Variants in PCID2 observed in about 807,000 individuals in gnomAD.
PCID2 encodes PCI domain-containing protein 2.
A neutral mutation model predicts 61.3 loss-of-function variants in PCID2; 41 were observed. That is an observed-to-expected ratio of 0.67 (90% CI 0.52 to 0.87). PCID2 has a LOEUF of 0.87. Ranked by LOEUF, PCID2 falls within the 40% of genes least tolerant of loss-of-function variation. PCID2 has a pLI of 0.00. For missense variants in PCID2, 392 were observed against 493.4 expected (o/e 0.79, Z 1.95); for synonymous variants, 187 against 177.8 (o/e 1.05, Z -0.41).
chr13:113,205,862 G>A (rs761425008), intron 1 of PCID2, among the ~76,000 whole-genome samples: 26 of 152,322 alleles, frequency 1.7e-4, no homozygotes, highest in Non-Finnish European at 3.1e-4. Context: ...CATTTGGGGT[G>A]ACAAAAAATT....
At position 113,205,803 on chromosome 13, in the gene PCID2, G is replaced by A. The variant is rs140323027; in HGVS notation, c.36+2796C>T. 4.4e-3 allele frequency among the ~76,000 whole-genome samples: 671 copies of A among 152,316 alleles called. 2 individuals are homozygous for A. Among genetic ancestry groups the A allele is most frequent in the African/African-American group, 5.0e-3 (209 of 41,566 alleles). On this transcript the variant is annotated intron_variant, in intron 1 of 13. Coordinates refer to ENST00000337344, the MANE Select transcript of PCID2 (RefSeq NM_001127202.4). ...GAGAGCACATTAGCGGTTGACAAGC[G>A]CTCGGGAGGGAGGACCAGGGAGTGA... is the stretch of plus-strand genomic sequence containing the variant.
At chr13:113,170,979 G>T in the PCID2 span, among the ~76,000 whole-genome samples, 1 of 151,760 alleles carries the variant, frequency 6.6e-6, no homozygotes, top group South Asian at 2.1e-4. Flanking sequence ...CTGGAGTGCA[G>T]TGGCATGATC....
intron 6 of PCID2, among the ~76,000 whole-genome samples, chr13:113,194,129 T>C (rs1055528338): frequency 2.6e-5 from 4 of 152,166 alleles, no homozygotes; most frequent in African/African-American, 7.2e-5. Flanking sequence ...GGAGGGGGAC[T>C]AGCTCCTCAT....
chr13:113,188,628 C>A (rs1368880269), intron 7 of PCID2: 1 of 152,248 alleles, frequency 6.6e-6, no homozygotes, highest in South Asian at 2.1e-4. Flanking sequence ...TGCTTCAGCT[C>A]CCAGAAGTTC....
In PCID2 at chr13:113,178,963, C is replaced by T; in HGVS notation, c.1110+3G>A. 6 of 1,611,262 alleles carry T rather than the reference C, an allele frequency of 3.7e-6. No individual in the cohort carries two copies. Among genetic ancestry groups the T allele is most frequent in the Non-Finnish European group, 5.1e-6 (6 of 1,178,984 alleles). On this transcript the variant is annotated splice_donor_region_variant and intron_variant, in intron 13 of 13. Coordinates refer to ENST00000337344, the MANE Select transcript of PCID2 (RefSeq NM_001127202.4). ...GCTTAAATTAAAACCAGGACTCACA[C>T]ACCATGTATATCAAGTTAGCCAGAA...
At chr13:113,172,068 C>G in the PCID2 span, 1 of 1,613,014 alleles carries the variant, frequency 6.2e-7, no homozygotes, top group African/African-American at 1.3e-5. Flanking sequence ...ACCAAGGTCT[C>G]CAGGTACTCA....
At chr13:113,173,102 C>T (rs111660583), downstream of PCID2, among the ~76,000 whole-genome samples, 2 of 152,184 alleles carry the variant, frequency 1.3e-5, no homozygotes, top group African/African-American at 2.4e-5. Context: ...CCTCAGCAGA[C>T]ACCAAATCTG....
At position 113,208,650 on chromosome 13, in the gene PCID2, C is replaced by G. The variant is rs769248937; in HGVS notation, c.-16G>C. The G allele has an allele frequency of 2.5e-6, 4 of 1,604,514 alleles. No homozygotes were observed. Among genetic ancestry groups the G allele is most frequent in the East Asian group, 4.5e-5 (2 of 44,196 alleles). ...TGTGCGCCATGGGAGCGCCGCCGAA[C>G]GGAGAGCGCCACCCCCTACGCCTCA... On this transcript the variant is annotated 5_prime_UTR_variant, in exon 1 of 14. Coordinates refer to ENST00000337344, the MANE Select transcript of PCID2 (RefSeq NM_001127202.4).
downstream of PCID2, among the ~76,000 whole-genome samples, chr13:113,173,402 G>A (rs1211515898): frequency 6.6e-6 from 1 of 152,228 alleles, no homozygotes; most frequent in African/African-American, 2.4e-5. Context: ...AGTTAAGGAA[G>A]GGGCACAGCT....
At chr13:113,208,127 C>A in intron 1 of PCID2, 2 of 1,607,652 alleles carry the variant, frequency 1.2e-6, no homozygotes. Flanking sequence ...ACGAGGGGCA[C>A]GAGCCCGGCC....
chr13:113,171,419 T>C, the PCID2 span, among the ~76,000 whole-genome samples: 1 of 152,146 alleles, frequency 6.6e-6, no homozygotes, highest in African/African-American at 2.4e-5. The surrounding 1 kb of genome is among the most constrained non-coding windows in gnomAD (Gnocchi z 5.1). Flanking sequence ...GTGCAATCTG[T>C]GAGTGGCCTT....
At chr13:113,185,706 A>T (rs1258513311) in intron 7 of PCID2, 146 bp from the exon 8 acceptor site, 1 of 519,224 alleles carries the variant, frequency 1.9e-6, no homozygotes, top group African/African-American at 1.9e-5. Context: ...ATATCAAGTC[A>T]TATTCATCAA....
At chr13:113,194,422 C>A (rs578255700) in intron 6 of PCID2, among the ~76,000 whole-genome samples, 2 of 152,150 alleles carry the variant, frequency 1.3e-5, no homozygotes, top group African/African-American at 4.8e-5. Flanking sequence ...TGACTCTGAG[C>A]CCCATCCCCC....
At position 113,185,341 on chromosome 13, in the gene PCID2, A is replaced by G; in HGVS notation, c.543+144T>C. 4.7e-6 allele frequency: 3 copies of G among 642,888 alleles called. No individual in the cohort carries two copies. The East Asian group carries it at 8.0e-5, about 17-fold the overall frequency. 39.8% of individuals were successfully genotyped at this position (642,888 alleles called of 1,614,324 possible). A position where few individuals can be genotyped will look rare whatever the true frequency, so the allele number is the denominator to read the frequency against. ...GCCTTGCACCTAGTAGGCATTCAAC[A>G]AATGTTTGCTATTAGGACTAGGAAT... On this transcript the variant is annotated intron_variant, in intron 8 of 13. Transcript: ENST00000337344.
downstream of PCID2, among the ~76,000 whole-genome samples, chr13:113,176,725 C>T (rs1164287207): frequency 6.6e-6 from 1 of 151,928 alleles, no homozygotes; most frequent in Non-Finnish European, 1.5e-5. Flanking sequence ...ACTGCACTGC[C>T]GCACTCCAGC....
chr13:113,184,335 T>C lies in PCID2; in HGVS notation c.685+11A>G. On this transcript the variant is annotated intron_variant, in intron 9 of 13. Transcript: ENST00000337344. ...ATTTAAAATACTGGGAAAAAAAGATTAGCAACATACCTTGCTTAAAATCGC... is the reference window on the plus strand; with the variant it reads ...ATTTAAAATACTGGGAAAAAAAGATCAGCAACATACCTTGCTTAAAATCGC... The C allele has an allele frequency of 6.2e-7, 1 of 1,607,174 alleles. No individual in the cohort carries two copies. Among genetic ancestry groups the C allele is most frequent in the South Asian group, 1.1e-5 (1 of 90,556 alleles).
chr13:113,176,508 C>CTCAGCACTTTGGGAGGCCGAGG (rs2037189065), downstream of PCID2, among the ~76,000 whole-genome samples: 1 of 10,942 alleles, frequency 9.1e-5, no homozygotes, highest in Admixed American at 1.0e-3. Flanking sequence ...ATGCCTGTCA[C>CTCAGCACTTTGGGAGGCCGAGG]CCCAGCACTT....
chr13:113,200,122 TG>T (rs2039307502), intron 2 of PCID2, among the ~76,000 whole-genome samples: 1 of 152,174 alleles, frequency 6.6e-6, no homozygotes, highest in Non-Finnish European at 1.5e-5. Flanking sequence ...TATGGGGCTT[TG>T]GGGACGCACA....
At position 113,179,158 on chromosome 13, in the gene PCID2, C is replaced by A; in HGVS notation, c.987-69G>T. 2.1e-6 allele frequency: 3 copies of A among 1,429,300 alleles called. No individual in the cohort carries two copies. Among genetic ancestry groups the A allele is most frequent in the South Asian group, 1.3e-5 (1 of 76,188 alleles). The allele number at this position is 1,429,300 out of a possible 1,614,324, so 88.5% of individuals were successfully genotyped here. On this transcript the variant is annotated intron_variant, in intron 12 of 13. Transcript: ENST00000337344. The surrounding 1 kb of genome is among the most constrained non-coding windows in gnomAD (Gnocchi z 4.3). ...GCAATACTCCACAGCCAAGAAAAGG[C>A]ACCTCTTAATAAGCCGGTGTTCTAA...
Sources: gnomAD v4.1 joint callset for allele counts (sites outside exome capture counted in the v4.1 genomes callset) on GRCh38, gnomAD v4.1.1 for gene constraint, Gnocchi (gnomAD v3.1) non-coding constraint, MANE v1.5 for transcripts, NCBI Gene and HGNC (gene_info 2026-07-23, HGNC 2026-07-21) for gene names.